Variants in ADPRM observed in about 807,000 individuals in gnomAD.
ADPRM encodes ADP-ribose/CDP-alcohol diphosphatase, manganese dependent, also known as manganese-dependent ADP-ribose/CDP-alcohol diphosphatase.
ADPRM carries 17 observed loss-of-function variants against 27.2 expected under a neutral mutation model. That is an observed-to-expected ratio of 0.63 (90% confidence interval 0.43 to 0.94). The LOEUF (loss-of-function observed/expected upper bound fraction) is 0.94, where lower values mean the gene tolerates loss of function less well. ADPRM is among the 40% of genes least tolerant of loss of function. The probability of loss-of-function intolerance (pLI) is 0.00; values close to 1 mark genes in which losing one functional copy is unlikely to be tolerated. For synonymous variants in ADPRM, 135 were observed against 145.3 expected (o/e 0.93, Z 0.51); for missense variants, 337 against 412.8 (o/e 0.82, Z 1.59).
rs964374816 is a variant in ADPRM at position 10,697,674 on chromosome 17, A to G, written c.-18+7A>G. 6.2e-5 allele frequency: 53 copies of G among 850,614 alleles called. No individual in the cohort carries two copies. The highest frequency in any genetic ancestry group is 3.7e-4 in the African/African-American group (22 of 59,626). 52.7% of individuals were successfully genotyped at this position (850,614 alleles called of 1,614,324 possible). ...GCCCAGGGGCCGGCGCACGGTAGGTAGTTCCCTGCGGCTGGAGGCGGGTCT... is the reference window on the plus strand; with the variant it reads ...GCCCAGGGGCCGGCGCACGGTAGGTGGTTCCCTGCGGCTGGAGGCGGGTCT... On this transcript the variant is annotated splice_region_variant and intron_variant, in intron 1 of 3. Coordinates refer to ENST00000379774, the MANE Select transcript of ADPRM (RefSeq NM_020233.5).
At chr17:10,704,814 T>G in intron 1 of ADPRM, 96 bp from the exon 2 acceptor site, 1 of 1,099,582 alleles carries the variant, frequency 9.1e-7, no homozygotes, top group Non-Finnish European at 1.3e-6. Context: ...AGCTGCCTAA[T>G]GAATTAACCT....
intron 3 of ADPRM, among the ~76,000 whole-genome samples, chr17:10,710,430 T>C (rs557282625): frequency 1.8e-4 from 27 of 152,368 alleles, no homozygotes; most frequent in African/African-American, 6.5e-4. Flanking sequence ...TACATCATTC[T>C]GTGTATATAA....
At chr17:10,709,433 C>T (rs915811707) in intron 3 of ADPRM, among the ~76,000 whole-genome samples, 2 of 152,022 alleles carry the variant, frequency 1.3e-5, no homozygotes, top group Non-Finnish European at 2.9e-5. Context: ...TAGAGAAGTC[C>T]GAGGACCAAG....
At chr17:10,710,762 T>C in intron 3 of ADPRM, 72 bp from the exon 4 acceptor site, 4 of 1,439,166 alleles carry the variant, frequency 2.8e-6, no homozygotes, top group Non-Finnish European at 3.8e-6. Context: ...GAGTACTAGC[T>C]TTTAGCCATT....
At position 10,704,891 on chromosome 17, in the gene ADPRM, G is replaced by T; in HGVS notation, c.-17-19G>T. The T allele has an allele frequency of 1.3e-6, 2 of 1,492,100 alleles. No individual in the cohort carries two copies. Among genetic ancestry groups the T allele is most frequent in the South Asian group, 1.3e-5 (1 of 75,344 alleles). 92.4% of individuals were successfully genotyped at this position (1,492,100 alleles called of 1,614,324 possible). ...TTAAAACGTTTATAATTTAGTTATCGTCTTTTTACTTTATTTAGAAACCTG... is the reference window on the plus strand; with the variant it reads ...TTAAAACGTTTATAATTTAGTTATCTTCTTTTTACTTTATTTAGAAACCTG... On this transcript the variant is annotated intron_variant, in intron 1 of 3. Coordinates refer to ENST00000379774, the MANE Select transcript of ADPRM (RefSeq NM_020233.5).
chr17:10,700,782 A>AG (rs2074771635), intron 1 of ADPRM, among the ~76,000 whole-genome samples: 1 of 151,836 alleles, frequency 6.6e-6, no homozygotes, highest in African/African-American at 2.4e-5. Context: ...AAAAAAAAAA[A>AG]AAATCTCTCA....
In ADPRM at chr17:10,697,775, G is replaced by A. The variant is rs372825577; in HGVS notation, c.-18+108G>A. 1.3e-3 allele frequency: 643 copies of A among 497,542 alleles called. 9 individuals carry two copies. The South Asian group carries it at 0.015, about 11-fold the overall frequency. 30.8% of individuals were successfully genotyped at this position (497,542 alleles called of 1,614,324 possible). A position where few individuals can be genotyped will look rare whatever the true frequency, so the allele number is the denominator to read the frequency against. On this transcript the variant is annotated intron_variant, in intron 1 of 3. Coordinates refer to ENST00000379774, the MANE Select transcript of ADPRM (RefSeq NM_020233.5). ...AGGGGGCTGCCTTAGGGGTCCAGGTGCGCGGCTGGGCCGAGGCAAGGCGGC... is the reference window on the plus strand; with the variant it reads ...AGGGGGCTGCCTTAGGGGTCCAGGTACGCGGCTGGGCCGAGGCAAGGCGGC...
chr17:10,704,757 A>G (rs900235919), intron 1 of ADPRM, 153 bp from the exon 2 acceptor site: 49 of 595,090 alleles, frequency 8.2e-5, no homozygotes, highest in Non-Finnish European at 1.3e-4. Context: ...AGTAGTTTAG[A>G]CCTAAGACTG....
chr17:10,697,637 A>G lies in ADPRM; in HGVS notation c.-48A>G. ...TGGCGCTGTTACATAGCCCGTAGTCAGAGGCCTTTCAGCCCAGGGGCCGGC... is the reference window on the plus strand; with the variant it reads ...TGGCGCTGTTACATAGCCCGTAGTCGGAGGCCTTTCAGCCCAGGGGCCGGC... On this transcript the variant is annotated 5_prime_UTR_variant, in exon 1 of 4. Transcript: ENST00000379774. 3 of 1,196,262 alleles carry G rather than the reference A, an allele frequency of 2.5e-6. No individual in the cohort carries two copies. Among genetic ancestry groups the G allele is most frequent in the Non-Finnish European group, 3.6e-6 (3 of 829,136 alleles). The allele number at this position is 1,196,262 out of a possible 1,614,324, so 74.1% of individuals were successfully genotyped here.
At position 10,705,047 on chromosome 17, in the gene ADPRM, A is replaced by G. The variant is rs1347090157; in HGVS notation, c.121A>G (p.Arg41Gly). 15 of 1,614,074 alleles carry G rather than the reference A, an allele frequency of 9.3e-6. No homozygotes were observed. In the South Asian group the frequency reaches 1.6e-4, roughly 18 times the overall value. ...LEDGFNFQGT[R>G]RRYYRHSLLH... Reference sequence around the variant, plus strand: ...AGATGGCTTTAATTTCCAAGGAACCAGGCGGCGATACTACAGACATAGTCT... The same window carrying G: ...AGATGGCTTTAATTTCCAAGGAACCGGGCGGCGATACTACAGACATAGTCT... Residue 41 changes from arginine (R) to glycine (G), a missense_variant, in exon 2 of 4, where the codon AGG becomes GGG. By Grantham distance (125) the Arg-to-Gly change is moderately radical. Transcript: ENST00000379774. This position sits in a 1 kb window ranked among gnomAD's most constrained non-coding sequence, Gnocchi z 5.4.
At chr17:10,707,045 GTT>G (rs2074817622) in intron 3 of ADPRM, among the ~76,000 whole-genome samples, 1 of 151,958 alleles carries the variant, frequency 6.6e-6, no homozygotes. Flanking sequence ...AGTTTCTTTT[GTT>G]TTTTGTTTTT....
intron 1 of ADPRM, among the ~76,000 whole-genome samples, chr17:10,704,475 A>T (rs2074800437): frequency 1.4e-5 from 2 of 146,170 alleles, no homozygotes; most frequent in Admixed American, 6.8e-5. Context: ...TGAATGTAAT[A>T]CACAGCTTTC....
intron 1 of ADPRM, among the ~76,000 whole-genome samples, chr17:10,700,063 C>T (rs890991451): frequency 6.6e-6 from 1 of 152,226 alleles, no homozygotes; most frequent in Non-Finnish European, 1.5e-5. Context: ...TTTCCTGCCC[C>T]AACTTAACTT....
chr17:10,711,207 A>T lies in ADPRM; in HGVS notation c.*63A>T. 1 of 1,323,368 alleles carries T rather than the reference A, an allele frequency of 7.6e-7. No individual in the cohort carries two copies. Among genetic ancestry groups the T allele is most frequent in the South Asian group, 1.4e-5 (1 of 69,636 alleles). 82.0% of individuals were successfully genotyped at this position (1,323,368 alleles called of 1,614,324 possible). A position where few individuals can be genotyped will look rare whatever the true frequency, so the allele number is the denominator to read the frequency against. ...GTTTGTCCCTCCTAAACAAAAAAAT[A>T]AAAATCCTCTGTCTCATTGTTTAGT... On this transcript the variant is annotated 3_prime_UTR_variant, in exon 4 of 4. Transcript: ENST00000379774.
At chr17:10,703,986 T>A (rs1161781639) in intron 1 of ADPRM, among the ~76,000 whole-genome samples, 1 of 152,114 alleles carries the variant, frequency 6.6e-6, no homozygotes. Context: ...GATTTCATAT[T>A]TTTGGTTTTG....
At chr17:10,700,785 AT>A (rs1182066278) in intron 1 of ADPRM, among the ~76,000 whole-genome samples, 7 of 150,834 alleles carry the variant, frequency 4.6e-5, no homozygotes, top group Non-Finnish European at 8.8e-5. Context: ...AAAAAAAAAA[AT>A]CTCTCATGCC....
chr17:10,709,735 T>A (rs971270514), intron 3 of ADPRM, among the ~76,000 whole-genome samples: 2 of 103,342 alleles, frequency 1.9e-5, no homozygotes, highest in African/African-American at 4.1e-5. Flanking sequence ...AAAAAAAAAA[T>A]TGTATTACAA....
chr17:10,708,429 C>CAAAAAAAAAAAA (rs1206878055), intron 3 of ADPRM, among the ~76,000 whole-genome samples: 1 of 30,580 alleles, frequency 3.3e-5, no homozygotes, highest in Non-Finnish European at 6.1e-5. Flanking sequence ...AACTCCGTCT[C>CAAAAAAAAAAAA]AAAAAAAAAA....
At chr17:10,708,429 CAAAAAAAA>C (rs1206878055) in intron 3 of ADPRM, among the ~76,000 whole-genome samples, 2 of 30,598 alleles carry the variant, frequency 6.5e-5, no homozygotes, top group African/African-American at 1.7e-4. Context: ...AACTCCGTCT[CAAAAAAAA>C]AAAAAAAAAA....
Sources: allele counts gnomAD v4.1 joint callset (sites outside exome capture counted in the v4.1 genomes callset), GRCh38; gene constraint gnomAD v4.1.1; non-coding constraint Gnocchi (gnomAD v3.1); transcripts MANE v1.5; gene names NCBI Gene and HGNC (gene_info 2026-07-23, HGNC 2026-07-21).